FGF12: variants seen among roughly 807,000 people sequenced by gnomAD.
The protein encoded by FGF12 is fibroblast growth factor 12.
A neutral mutation model predicts 23.6 loss-of-function variants in FGF12; 14 were observed. The ratio of observed to expected loss-of-function variants is 0.59; its 90% confidence interval spans 0.39 to 0.93. The LOEUF is 0.93. Among genes scored for constraint, FGF12 ranks in the 40% least tolerant of loss-of-function variants. The pLI, the probability that FGF12 is intolerant of heterozygous loss-of-function variation, is 0.00. For missense variants in FGF12, 175 were observed against 217.8 expected (o/e 0.80, Z 1.24); for synonymous variants, 62 against 77.3 (o/e 0.80, Z 1.04).
intron 2 of FGF12, among the ~76,000 whole-genome samples, chr3:192,599,819 A>G (rs972652715): frequency 7.2e-5 from 11 of 152,156 alleles, no homozygotes; most frequent in African/African-American, 2.7e-4. Context: ...ATATGTTTTA[A>G]AAATAAAGTA....
chr3:192,200,895 G>C (rs9836670), intron 4 of FGF12, among the ~76,000 whole-genome samples: 2,750 of 151,104 alleles, frequency 0.018, 89 homozygotes, highest in African/African-American at 0.065. Flanking sequence ...GAAGAACCAG[G>C]CTTTTGTGTG....
chr3:192,205,395 G>C (rs1022974803), intron 4 of FGF12, among the ~76,000 whole-genome samples: 2 of 152,072 alleles, frequency 1.3e-5, no homozygotes, highest in Non-Finnish European at 1.5e-5. Flanking sequence ...GATGAGAGAG[G>C]GTTTTCTTGG....
chr3:192,519,805 A>G (rs141382709), intron 2 of FGF12, among the ~76,000 whole-genome samples: 77 of 152,364 alleles, frequency 5.1e-4, no homozygotes, highest in African/African-American at 1.8e-3. Flanking sequence ...TATGGCCTCA[A>G]GGATATTTAT....
At chr3:192,283,886 C>T (rs1448388930) in intron 4 of FGF12, among the ~76,000 whole-genome samples, 1 of 152,070 alleles carries the variant, frequency 6.6e-6, no homozygotes, top group African/African-American at 2.4e-5. Context: ...CAGGTTCTCT[C>T]AATCTCAGTG....
At chr3:192,613,882 A>G (rs2108641890) in intron 2 of FGF12, among the ~76,000 whole-genome samples, 1 of 152,060 alleles carries the variant, frequency 6.6e-6, no homozygotes, top group East Asian at 1.9e-4. Context: ...TTATAAATTT[A>G]CAATTGCAAT....
chr3:192,450,158 A>G (rs1035644127), intron 2 of FGF12, among the ~76,000 whole-genome samples: 1 of 152,130 alleles, frequency 6.6e-6, no homozygotes, highest in East Asian at 1.9e-4. Flanking sequence ...CATTTTTCCC[A>G]CTGCACCAAG....
At chr3:192,388,874 T>C (rs1430868844) in intron 2 of FGF12, among the ~76,000 whole-genome samples, 1 of 151,956 alleles carries the variant, frequency 6.6e-6, no homozygotes, top group Non-Finnish European at 1.5e-5. Flanking sequence ...AGCAAAAACT[T>C]TCACTATGTC....
At chr3:192,566,161 G>A (rs1293115661) in intron 2 of FGF12, among the ~76,000 whole-genome samples, 1 of 152,188 alleles carries the variant, frequency 6.6e-6, no homozygotes, top group Non-Finnish European at 1.5e-5. Context: ...TAAGGAAACT[G>A]AAATAAAGAG....
intron 3 of FGF12, among the ~76,000 whole-genome samples, chr3:192,358,479 TG>T (rs1718575318): frequency 6.6e-6 from 1 of 152,034 alleles, no homozygotes; most frequent in Admixed American, 6.6e-5. Context: ...CTATGGTGTG[TG>T]TGTGTGTGTA....
intron 2 of FGF12, among the ~76,000 whole-genome samples, chr3:192,527,829 G>T (rs7631776): frequency 1.3e-5 from 2 of 152,132 alleles, no homozygotes; most frequent in African/African-American, 4.8e-5. Context: ...TGAAAGGCAT[G>T]TCTCACATGG....
rs372927119 is a variant in FGF12, at chr3:192,235,232, C to G, written c.229-64576G>C. ...TTCAATTTCAGAACTCGTTATTGGC[C>G]TGTTCAGGATTTCAATTTATTCCTG... On this transcript the variant is annotated intron_variant, in intron 4 of 5. Coordinates refer to ENST00000445105, the MANE Select transcript of FGF12 (RefSeq NM_004113.6). 2.0e-5 allele frequency among the ~76,000 whole-genome samples: 3 copies of G among 152,206 alleles called. No individual in the cohort carries two copies. The South Asian group carries it at 6.2e-4, about 32-fold the overall frequency.
intron 2 of FGF12, among the ~76,000 whole-genome samples, chr3:192,667,065 A>G (rs1716911014): frequency 6.6e-6 from 1 of 152,212 alleles, no homozygotes; most frequent in Non-Finnish European, 1.5e-5. Context: ...AAGTCATATA[A>G]TATCATTCAT....
intron 2 of FGF12, among the ~76,000 whole-genome samples, chr3:192,560,110 A>C (rs1711950419): frequency 6.6e-6 from 1 of 152,104 alleles, no homozygotes; most frequent in Non-Finnish European, 1.5e-5. Context: ...TTTTGAAACG[A>C]AACAGCACAT....
intron 4 of FGF12, among the ~76,000 whole-genome samples, chr3:192,260,142 G>C (rs1339240081): frequency 6.6e-6 from 1 of 152,196 alleles, no homozygotes; most frequent in African/African-American, 2.4e-5. Flanking sequence ...ATGCCAAAAT[G>C]TTCCTATGCC....
At chr3:192,237,116 T>C (rs1397397417) in intron 4 of FGF12, among the ~76,000 whole-genome samples, 2 of 152,192 alleles carry the variant, frequency 1.3e-5, no homozygotes, top group Non-Finnish European at 2.9e-5. Context: ...GAATATGAAA[T>C]TATTGGCTGA....
chr3:192,296,540 C>A (rs1004694310), intron 4 of FGF12, among the ~76,000 whole-genome samples: 2 of 152,014 alleles, frequency 1.3e-5, no homozygotes, highest in Admixed American at 6.6e-5. Flanking sequence ...TATTTTTAAA[C>A]AAAATCTTCA....
chr3:192,339,034 G>A (rs745458558), intron 3 of FGF12, among the ~76,000 whole-genome samples: 5 of 152,110 alleles, frequency 3.3e-5, no homozygotes, highest in Admixed American at 1.3e-4. Context: ...GCTAGGCAGG[G>A]ACAAAAACAA....
intron 2 of FGF12, among the ~76,000 whole-genome samples, chr3:192,564,964 T>A (rs1276194386): frequency 6.6e-6 from 1 of 152,262 alleles, no homozygotes; most frequent in African/African-American, 2.4e-5. Flanking sequence ...ATAGGAATGC[T>A]GACATTACTA....
intron 2 of FGF12, among the ~76,000 whole-genome samples, chr3:192,488,155 T>A (rs1052387620): frequency 6.6e-6 from 1 of 152,104 alleles, no homozygotes; most frequent in Non-Finnish European, 1.5e-5. Context: ...ATATTATGAA[T>A]CTATAATATC....
Sources: gnomAD v4.1 joint callset for allele counts (sites outside exome capture counted in the v4.1 genomes callset) on GRCh38, gnomAD v4.1.1 for gene constraint, MANE v1.5 for transcripts, NCBI Gene and HGNC (gene_info 2026-07-23, HGNC 2026-07-21) for gene names.